Variants in CD160 observed in about 807,000 individuals in gnomAD.
CD160 encodes CD160 antigen.
In CD160, 11 loss-of-function variants were observed where a neutral mutation model predicts 19.2. The observed-to-expected ratio is 0.57, with a 90% CI of 0.36 to 0.95. The LOEUF is 0.95. Among genes scored for constraint, CD160 ranks in the 40% least tolerant of loss-of-function variants. CD160 has a pLI of 0.01. For synonymous variants in CD160, 75 were observed against 81.1 expected (o/e 0.93, Z 0.40); for missense variants, 182 against 213.2 (o/e 0.85, Z 0.91).
chr1:145,731,215 C>CACAAACATAA, intron 4 of CD160, 145 bp downstream of exon 4: 1 of 695,448 alleles, frequency 1.4e-6, no homozygotes, highest in Non-Finnish European at 2.6e-6. Context: ...CAGATGCTGC[C>CACAAACATAA]TTTCTTCAAA....
At chr1:145,730,070 C>T (rs1232674750) in intron 3 of CD160, among the ~76,000 whole-genome samples, 2 of 152,146 alleles carry the variant, frequency 1.3e-5, no homozygotes, top group Admixed American at 1.3e-4. Context: ...TGCCTGTAAT[C>T]CCAGCAGTTT....
chr1:145,725,614 ACATT>A (rs1553708292), intron 2 of CD160, among the ~76,000 whole-genome samples: 1 of 152,190 alleles, frequency 6.6e-6, no homozygotes, highest in African/African-American at 2.4e-5. Flanking sequence ...AATTAATAAA[ACATT>A]CACATCCATC....
At chr1:145,733,464 G>A (rs928952098) in intron 4 of CD160, among the ~76,000 whole-genome samples, 1 of 152,090 alleles carries the variant, frequency 6.6e-6, no homozygotes, top group African/African-American at 2.4e-5. Flanking sequence ...AGAAAAACAA[G>A]TATAAATTAC....
intron 1 of CD160, among the ~76,000 whole-genome samples, chr1:145,720,155 C>T (rs373573237): frequency 2.6e-5 from 4 of 152,316 alleles, no homozygotes; most frequent in Admixed American, 2.6e-4. Flanking sequence ...TTATAGATTT[C>T]TCCAAATGTC....
chr1:145,720,195 A>C (rs1460543428), intron 1 of CD160, among the ~76,000 whole-genome samples: 2 of 152,248 alleles, frequency 1.3e-5, no homozygotes, highest in Non-Finnish European at 2.9e-5. Context: ...ACAGAATTAC[A>C]ACAGTTATTA....
intron 5 of CD160, 93 bp from the exon 6 acceptor site, chr1:145,738,393 G>A (rs1003193684): frequency 6.6e-6 from 5 of 759,566 alleles, no homozygotes; most frequent in African/African-American, 5.4e-5. Context: ...GGCCTATCAC[G>A]CACGCATCTC....
At position 145,736,151 on chromosome 1, in the gene CD160, C is replaced by G. The variant is rs781882526; in HGVS notation, c.538+17C>G. 1 of 1,613,798 alleles carries G rather than the reference C, an allele frequency of 6.2e-7. No homozygotes were observed. Among genetic ancestry groups the G allele is most frequent in the Non-Finnish European group, 8.5e-7 (1 of 1,179,974 alleles). On this transcript the variant is annotated intron_variant, in intron 5 of 5. Transcript: ENST00000369288. ...CCCTTCAAGGTATGTCCAAAAGAGC[C>G]GTAAGCACCCCAAGCAATGAGGGTG...
In CD160 at chr1:145,728,242, C is replaced by G; in HGVS notation, c.-72-14C>G. On this transcript the variant is annotated splice_polypyrimidine_tract_variant and intron_variant, in intron 2 of 5. Coordinates refer to ENST00000369288, the MANE Select transcript of CD160 (RefSeq NM_007053.4). ...CTGGAAGGCTTTGTCTAGTGGGTCC[C>G]CCTGTGCTTTTAGGAGACTGAAGCC... 2.1e-6 allele frequency: 2 copies of G among 934,596 alleles called. No homozygotes were observed. The highest frequency in any genetic ancestry group is 2.4e-5 in the East Asian group (1 of 40,938). 57.9% of individuals were successfully genotyped at this position (934,596 alleles called of 1,614,324 possible).
intron 3 of CD160, among the ~76,000 whole-genome samples, chr1:145,729,029 A>C (rs1657177039): frequency 6.6e-6 from 1 of 152,184 alleles, no homozygotes; most frequent in Non-Finnish European, 1.5e-5. Flanking sequence ...TTGTGTATTT[A>C]TAAAATGGGA....
intron 1 of CD160, among the ~76,000 whole-genome samples, chr1:145,720,531 A>G (rs1340854155): frequency 1.3e-5 from 2 of 152,198 alleles, no homozygotes; most frequent in Non-Finnish European, 1.5e-5. Flanking sequence ...AGATTGAAAA[A>G]GAAGCCCCTT....
chr1:145,730,615 T>C (rs1029015219), intron 3 of CD160, 129 bp from the exon 4 acceptor site: 6 of 687,916 alleles, frequency 8.7e-6, no homozygotes, highest in African/African-American at 7.2e-5. Flanking sequence ...TTGTATTTCC[T>C]GTCTGCCAGC....
At chr1:145,737,337 G>A (rs1028700468) in intron 5 of CD160, 1 of 151,512 alleles carries the variant, frequency 6.6e-6, no homozygotes, top group Admixed American at 6.6e-5. Flanking sequence ...CTTACACTCA[G>A]TAATGATCTA....
chr1:145,731,138 C>A, intron 4 of CD160, 68 bp downstream of exon 4: 1 of 1,252,510 alleles, frequency 8.0e-7, no homozygotes, highest in Non-Finnish European at 1.1e-6. Context: ...GGAGATGTAA[C>A]CAGATAGTTC....
intron 4 of CD160, among the ~76,000 whole-genome samples, chr1:145,735,363 A>G (rs1356124411): frequency 6.6e-6 from 1 of 152,152 alleles, no homozygotes; most frequent in Non-Finnish European, 1.5e-5. Flanking sequence ...AGGCAGGTGC[A>G]TCACTTGAAC....
intron 2 of CD160, among the ~76,000 whole-genome samples, chr1:145,727,570 T>C (rs980005888): frequency 9.2e-5 from 14 of 152,098 alleles, no homozygotes; most frequent in Non-Finnish European, 1.5e-4. Context: ...TTTAATTACA[T>C]ACAATGTAAA....
In CD160 at chr1:145,720,752, C is replaced by T. The variant is rs587688648; in HGVS notation, c.-179+1193C>T. On this transcript the variant is annotated intron_variant, in intron 1 of 5. Coordinates refer to ENST00000369288, the MANE Select transcript of CD160 (RefSeq NM_007053.4). Reference sequence around the variant, plus strand: ...TGGCAAAGCTTTATGTGTCATCTAACCGTCACCACATTCCTATGAGGTAGT... The same window carrying T: ...TGGCAAAGCTTTATGTGTCATCTAATCGTCACCACATTCCTATGAGGTAGT... 2.6e-5 allele frequency among the ~76,000 whole-genome samples: 4 copies of T among 152,290 alleles called. No individual in the cohort carries two copies. In the South Asian group the frequency reaches 8.3e-4, roughly 32 times the overall value.
chr1:145,738,786 A>T lies in CD160; in HGVS notation c.*293A>T. 1 of 269,876 alleles carries T rather than the reference A, an allele frequency of 3.7e-6. No homozygotes were observed. The highest frequency in any genetic ancestry group is 7.0e-6 in the Non-Finnish European group (1 of 143,764). 16.7% of individuals were successfully genotyped at this position (269,876 alleles called of 1,614,324 possible). A position where few individuals can be genotyped will look rare whatever the true frequency, so the allele number is the denominator to read the frequency against. The stretch of plus-strand genomic sequence containing the variant: ...TAGTCCTCAAATATCGGATAAATAT[A>T]TGCGTTTTTGTACCCCAGAAAAACT... On this transcript the variant is annotated 3_prime_UTR_variant, in exon 6 of 6. Coordinates refer to ENST00000369288, the MANE Select transcript of CD160 (RefSeq NM_007053.4).
At chr1:145,730,655 C>T (rs1657250170) in intron 3 of CD160, 89 bp from the exon 4 acceptor site, 1 of 1,064,158 alleles carries the variant, frequency 9.4e-7, no homozygotes, top group Non-Finnish European at 1.4e-6. Flanking sequence ...TCAGTCCTTC[C>T]TTGAAGACTT....
At chr1:145,725,971 A>G (rs1443644226) in intron 2 of CD160, among the ~76,000 whole-genome samples, 1 of 152,210 alleles carries the variant, frequency 6.6e-6, no homozygotes, top group Admixed American at 6.5e-5. Context: ...TGAAATTAAT[A>G]TCTAGTAAAA....
Sources: allele counts gnomAD v4.1 joint callset (sites outside exome capture counted in the v4.1 genomes callset), GRCh38; gene constraint gnomAD v4.1.1; transcripts MANE v1.5; gene names NCBI Gene and HGNC (gene_info 2026-07-23, HGNC 2026-07-21).